TBCD: variants seen among roughly 807,000 people sequenced by gnomAD.
The protein encoded by TBCD is tubulin folding cofactor D, also known as tubulin-specific chaperone D.
Under a neutral mutation model 169.3 loss-of-function variants are expected in TBCD, and 105 were observed. That is an observed-to-expected ratio of 0.62 (90% CI 0.53 to 0.73). TBCD has a LOEUF of 0.73. Among genes scored for constraint, TBCD ranks in the 30% least tolerant of loss-of-function variants. The probability of loss-of-function intolerance (pLI) is 0.00; values close to 1 mark genes in which losing one functional copy is unlikely to be tolerated. For missense variants in TBCD, 1,444 were observed against 1,600.1 expected (o/e 0.90, Z 1.66); for synonymous variants, 700 against 643.9 (o/e 1.09, Z -1.32).
In TBCD at chr17:82,874,491, C is replaced by T. The variant is rs1188517216; in HGVS notation, c.1475+4111C>T. On this transcript the variant is annotated intron_variant, in intron 14 of 38. Coordinates refer to ENST00000355528, the MANE Select transcript of TBCD (RefSeq NM_005993.5). This position sits in a 1 kb window ranked among gnomAD's most constrained non-coding sequence, Gnocchi z 5.0. The stretch of plus-strand genomic sequence containing the variant: ...CTGGGGCCTCAGGGCTCGCAGCTCA[C>T]AGGCTTCTGACGCCTCAGCCTGGAG... 6.6e-6 allele frequency among the ~76,000 whole-genome samples: 1 copy of T among 152,146 alleles called. No individual in the cohort carries two copies. Among genetic ancestry groups the T allele is most frequent in the African/African-American group, 2.4e-5 (1 of 41,430 alleles).
chr17:82,932,785 C>T, intron 34 of TBCD, 50 bp downstream of exon 34: 1 of 1,574,946 alleles, frequency 6.3e-7, no homozygotes, highest in Non-Finnish European at 8.7e-7. Context: ...CTAAGTAGCT[C>T]ATGTATTAAA....
chr17:82,921,716 C>T (rs1599573651), intron 25 of TBCD, 139 bp downstream of exon 25: 2 of 744,116 alleles, frequency 2.7e-6, no homozygotes, highest in East Asian at 5.3e-5. Flanking sequence ...GGGCATAATT[C>T]TATTTGGAAT....
chr17:82,926,973 C>A, intron 28 of TBCD: 1 of 666,734 alleles, frequency 1.5e-6, no homozygotes, highest in Non-Finnish European at 2.5e-6. Flanking sequence ...CCCCATCCAC[C>A]TTTCAACCGG....
chr17:82,871,667 G>C (rs1403381758), intron 14 of TBCD, among the ~76,000 whole-genome samples: 2 of 152,220 alleles, frequency 1.3e-5, no homozygotes, highest in Non-Finnish European at 2.9e-5. Context: ...GCGGGGCGGG[G>C]CGCCGGTGGC....
intron 5 of TBCD, among the ~76,000 whole-genome samples, chr17:82,769,519 G>T (rs1037529744): frequency 3.3e-5 from 5 of 152,166 alleles, no homozygotes; most frequent in Non-Finnish European, 2.9e-5. Context: ...AGTGCCTGCT[G>T]TGTGCCTGGC....
At chr17:82,804,098 GCACC>G (rs2050775746) in intron 9 of TBCD, among the ~76,000 whole-genome samples, 1 of 128,924 alleles carries the variant, frequency 7.8e-6, no homozygotes, top group Non-Finnish European at 1.6e-5. Flanking sequence ...GGGCTGGGGT[GCACC>G]TGCCTGTAGA....
At chr17:82,785,980 T>C (rs186597476) in intron 7 of TBCD, among the ~76,000 whole-genome samples, 1 of 152,342 alleles carries the variant, frequency 6.6e-6, no homozygotes. Context: ...GGCACCTACA[T>C]GTGTGTCAGG....
At position 82,752,333 on chromosome 17, in the gene TBCD, A is replaced by C. The variant is rs1400103676; in HGVS notation, c.140A>C (p.His47Pro). The part of the protein sequence containing the change: ...RALLGRLREV[H>P]GGGAEREVAL... ...CTGCTGGGCCGCCTGCGGGAGGTGCACGGCGGCGGCGCGGAGCGCGAGGTG... is the reference window on the plus strand; with the variant it reads ...CTGCTGGGCCGCCTGCGGGAGGTGCCCGGCGGCGGCGCGGAGCGCGAGGTG... Residue 47 changes from histidine (H) to proline (P), a missense_variant, in exon 1 of 39, where the codon CAC becomes CCC. By Grantham distance (77) the His-to-Pro change is moderately conservative. Coordinates refer to ENST00000355528, the MANE Select transcript of TBCD (RefSeq NM_005993.5). The C allele has an allele frequency of 2.8e-6, 4 of 1,429,668 alleles. No homozygotes were observed. Among genetic ancestry groups the C allele is most frequent in the Non-Finnish European group, 3.6e-6 (4 of 1,103,984 alleles). 88.6% of individuals were successfully genotyped at this position (1,429,668 alleles called of 1,614,324 possible). A position where few individuals can be genotyped will look rare whatever the true frequency, so the allele number is the denominator to read the frequency against.
intron 5 of TBCD, 140 bp downstream of exon 5, chr17:82,768,706 T>G: frequency 1.1e-6 from 1 of 926,932 alleles, no homozygotes; most frequent in Non-Finnish European, 1.6e-6. Context: ...TCCCATAGGA[T>G]AACTTATTTT....
At chr17:82,810,534 T>C (rs1389551218) in intron 12 of TBCD, among the ~76,000 whole-genome samples, 1 of 1,014 alleles carries the variant, frequency 9.9e-4, no homozygotes, top group Non-Finnish European at 2.4e-3. Flanking sequence ...CCGTGTGGCT[T>C]GTGGGTGGTA....
intron 34 of TBCD, among the ~76,000 whole-genome samples, chr17:82,933,932 G>A (rs2062419244): frequency 6.6e-6 from 1 of 152,222 alleles, no homozygotes; most frequent in Non-Finnish European, 1.5e-5. Flanking sequence ...CTCTTAAGCT[G>A]TCAGGTGGAC....
In TBCD at chr17:82,781,679, C is replaced by T. The variant is rs372539410; in HGVS notation, c.729C>T (p.Thr243=). The change falls in exon 7 of 39, where the codon ACC becomes ACT. Residue 243 remains threonine, a synonymous_variant. Transcript: ENST00000355528. ...ATCTGGCCCGTTCCTCCTTCCAGAC[C>T]ATGCAGGGGGTCATCACCATGGATG... ...LCNLARSSFQ[T]MQGVITMDGT... 18 of 1,613,748 alleles carry T rather than the reference C, an allele frequency of 1.1e-5. No individual in the cohort carries two copies. The highest frequency in any genetic ancestry group is 1.7e-5 in the Admixed American group (1 of 59,996).
At chr17:82,827,643 C>T (rs890696921) in intron 13 of TBCD, among the ~76,000 whole-genome samples, 1 of 152,144 alleles carries the variant, frequency 6.6e-6, no homozygotes, top group Admixed American at 6.5e-5. Context: ...GACACATGCA[C>T]GTTGACACGT....
At chr17:82,788,770 A>G (rs1413389389) in intron 7 of TBCD, among the ~76,000 whole-genome samples, 5 of 152,188 alleles carry the variant, frequency 3.3e-5, no homozygotes, top group East Asian at 1.9e-4. Context: ...AGCTGCTGTG[A>G]GCTGTGCCCA....
At chr17:82,862,513 A>T (rs1045823649) in intron 13 of TBCD, among the ~76,000 whole-genome samples, 3 of 152,066 alleles carry the variant, frequency 2.0e-5, no homozygotes, top group Non-Finnish European at 2.9e-5. Flanking sequence ...ATGTGTGATG[A>T]GGCCTAAGAG....
chr17:82,777,857 TC>T (rs1568117878), intron 6 of TBCD, among the ~76,000 whole-genome samples: 2 of 54,318 alleles, frequency 3.7e-5, no homozygotes, highest in African/African-American at 1.4e-4. Context: ...AAAGGGAGAC[TC>T]TCTTTCCCGG....
chr17:82,908,963 C>G (rs2060431540), intron 21 of TBCD, among the ~76,000 whole-genome samples: 1 of 152,268 alleles, frequency 6.6e-6, no homozygotes. Context: ...AGTTACTTTT[C>G]TGCACAAGAG....
At chr17:82,823,409 G>A (rs1394076206) in intron 13 of TBCD, among the ~76,000 whole-genome samples, 2 of 152,246 alleles carry the variant, frequency 1.3e-5, no homozygotes, top group Non-Finnish European at 2.9e-5. Flanking sequence ...CAGGTTTTCA[G>A]GAAAATGCAA....
rs990310473 is a variant in TBCD, at chr17:82,825,634, C to T, written c.1318+10700C>T. ...AGCTTGAAGCAGTGTCCTCAGATACCCCTTGGAATTGTGACAAACTCTGTA... is the reference window on the plus strand; with the variant it reads ...AGCTTGAAGCAGTGTCCTCAGATACTCCTTGGAATTGTGACAAACTCTGTA... On this transcript the variant is annotated intron_variant, in intron 13 of 38. Transcript: ENST00000355528. 1.8e-4 allele frequency among the ~76,000 whole-genome samples: 28 copies of T among 152,054 alleles called. 1 individual carries two copies. In the South Asian group the frequency reaches 2.3e-3, roughly 12 times the overall value.
Sources: gnomAD v4.1 joint callset for allele counts (sites outside exome capture counted in the v4.1 genomes callset) on GRCh38, gnomAD v4.1.1 for gene constraint, Gnocchi (gnomAD v3.1) non-coding constraint, MANE v1.5 for transcripts, NCBI Gene and HGNC (gene_info 2026-07-23, HGNC 2026-07-21) for gene names.